Variants in CREB5 observed in about 807,000 individuals in gnomAD.
CREB5 encodes cyclic AMP-responsive element-binding protein 5.
A neutral mutation model predicts 57.1 loss-of-function variants in CREB5; 19 were observed. The ratio of observed to expected loss-of-function variants is 0.33; its 90% CI spans 0.23 to 0.49. CREB5 has a LOEUF of 0.49. CREB5 is among the 20% of genes least tolerant of loss of function. The pLI, the probability that CREB5 is intolerant of heterozygous loss-of-function variation, is 0.99. For synonymous variants in CREB5, 238 were observed against 238.3 expected, an observed-to-expected ratio of 1.00 and a Z score of 0.01; for missense variants, 579 against 671.6, an observed-to-expected ratio of 0.86 and a Z score of 1.52.
chr7:28,327,175 C>T (rs6961801), intron 1 of CREB5, among the ~76,000 whole-genome samples: 87,559 of 147,366 alleles, frequency 0.59, 26,935 homozygotes, highest in African/African-American at 0.75. Flanking sequence ...AAAAGGAAAC[C>T]GTATTTAGTA....
chr7:28,657,377 G>A (rs150375348), intron 5 of CREB5, among the ~76,000 whole-genome samples: 23 of 152,206 alleles, frequency 1.5e-4, no homozygotes, highest in African/African-American at 4.1e-4. Flanking sequence ...AGTTCCCCTT[G>A]CTGTTGCAAT....
chr7:28,673,597 GT>G (rs1468778855), intron 5 of CREB5, among the ~76,000 whole-genome samples: 1 of 142,456 alleles, frequency 7.0e-6, no homozygotes, highest in East Asian at 2.2e-4. Context: ...TTTTTGCCAA[GT>G]TTCAAAAGTG....
chr7:28,739,540 G>A (rs1804219331), intron 7 of CREB5, among the ~76,000 whole-genome samples: 1 of 152,194 alleles, frequency 6.6e-6, no homozygotes, highest in African/African-American at 2.4e-5. Context: ...CTAACAAGCT[G>A]CGGGTTTTGC....
intron 4 of CREB5, among the ~76,000 whole-genome samples, chr7:28,530,983 G>T (rs1793703164): frequency 1.3e-5 from 2 of 152,124 alleles, no homozygotes; most frequent in South Asian, 4.2e-4. Flanking sequence ...AGGAAACCTT[G>T]ACTGTCTATT....
chr7:28,523,390 G>C (rs1027968951), intron 4 of CREB5, among the ~76,000 whole-genome samples: 3 of 152,188 alleles, frequency 2.0e-5, no homozygotes, highest in Non-Finnish European at 2.9e-5. Flanking sequence ...CGTTTATTGA[G>C]GTCTTAATGT....
Position 28,494,937 on chromosome 7 carries a change from A to C in CREB5, c.107A>C (p.His36Pro), listed in dbSNP as rs569232806. The C allele has an allele frequency of 6.2e-6, 10 of 1,608,568 alleles. No homozygotes were observed. The highest frequency in any genetic ancestry group is 8.5e-6 in the Non-Finnish European group (10 of 1,178,966). ...CCAACAGAGGACCATCTGATGATTC[A>C]TAGGCACAAACATGAAATGACTTTG... is the stretch of plus-strand genomic sequence containing the variant. ...RFPTEDHLMIHRHKHEMTLKF... is the reference protein window; with the variant it reads ...RFPTEDHLMIPRHKHEMTLKF... Residue 36 changes from histidine (H) to proline (P), a missense_variant, in exon 3 of 11, where the codon CAT (histidine) becomes CCT (proline). Physicochemically the swap from His to Pro is moderately conservative, Grantham distance 77. Coordinates refer to ENST00000357727, the MANE Select transcript of CREB5 (RefSeq NM_182898.4).
At chr7:28,669,264 C>T (rs772831604) in intron 5 of CREB5, among the ~76,000 whole-genome samples, 5 of 152,162 alleles carry the variant, frequency 3.3e-5, no homozygotes, top group Middle Eastern at 3.2e-3. Context: ...TAAATAGTGG[C>T]AGATGATGCT....
At chr7:28,423,500 C>G (rs1788363259) in intron 1 of CREB5, among the ~76,000 whole-genome samples, 1 of 152,022 alleles carries the variant, frequency 6.6e-6, no homozygotes, top group Non-Finnish European at 1.5e-5. Context: ...TATGATGGTG[C>G]CAGATTCAAA....
At chr7:28,513,235 AG>A (rs929874238) in intron 4 of CREB5, among the ~76,000 whole-genome samples, 2 of 152,230 alleles carry the variant, frequency 1.3e-5, no homozygotes, top group African/African-American at 4.8e-5. Context: ...GGAAAATAAA[AG>A]ATGCCAAGTT....
intron 5 of CREB5, among the ~76,000 whole-genome samples, chr7:28,697,251 A>T (rs765585319): frequency 2.0e-5 from 3 of 152,212 alleles, no homozygotes; most frequent in Admixed American, 6.5e-5. Flanking sequence ...TGCAGTCAGC[A>T]TTGGAAACAC....
chr7:28,719,773 T>C (rs1255142340), intron 6 of CREB5, among the ~76,000 whole-genome samples: 2 of 152,044 alleles, frequency 1.3e-5, no homozygotes, highest in Non-Finnish European at 2.9e-5. Flanking sequence ...ATAAAAATAA[T>C]AGATAAGGCC....
At chr7:28,436,117 G>A (rs1029034735) in intron 1 of CREB5, among the ~76,000 whole-genome samples, 2 of 7,326 alleles carry the variant, frequency 2.7e-4, no homozygotes, top group African/African-American at 2.7e-3. Flanking sequence ...GTCACAAAGT[G>A]AATTTTTTTT....
intron 5 of CREB5, among the ~76,000 whole-genome samples, chr7:28,577,975 T>C (rs113636842): frequency 1.3e-5 from 2 of 152,210 alleles, no homozygotes; most frequent in African/African-American, 4.8e-5. Context: ...ATAGTAAACA[T>C]GTAAAACAAG....
At chr7:28,815,291 A>T (rs1809366133) in intron 9 of CREB5, among the ~76,000 whole-genome samples, 1 of 152,210 alleles carries the variant, frequency 6.6e-6, no homozygotes, top group Non-Finnish European at 1.5e-5. Flanking sequence ...TAAAAAAGAA[A>T]AAAAGAATAT....
At chr7:28,650,700 A>G (rs1039566391) in intron 5 of CREB5, among the ~76,000 whole-genome samples, 1 of 152,188 alleles carries the variant, frequency 6.6e-6, no homozygotes, top group Non-Finnish European at 1.5e-5. Flanking sequence ...TCTGAACTAC[A>G]TATTTCTTAA....
At chr7:28,370,549 G>A (rs1786685571) in intron 1 of CREB5, among the ~76,000 whole-genome samples, 1 of 152,162 alleles carries the variant, frequency 6.6e-6, no homozygotes, top group African/African-American at 2.4e-5. Flanking sequence ...GGAAAATTGT[G>A]TTTGAGTTAT....
intron 8 of CREB5, among the ~76,000 whole-genome samples, chr7:28,805,825 T>C (rs1808695604): frequency 6.6e-6 from 1 of 152,174 alleles, no homozygotes; most frequent in Admixed American, 6.5e-5. Context: ...AATAGTAGAC[T>C]AAACTCCTAG....
intron 1 of CREB5, among the ~76,000 whole-genome samples, chr7:28,351,913 A>T (rs962000800): frequency 5.3e-5 from 8 of 152,216 alleles, no homozygotes; most frequent in African/African-American, 1.9e-4. Context: ...AACATCCCCC[A>T]AATAAATCAA....
At chr7:28,427,036 C>T (rs1788536095) in intron 1 of CREB5, among the ~76,000 whole-genome samples, 1 of 152,090 alleles carries the variant, frequency 6.6e-6, no homozygotes, top group Non-Finnish European at 1.5e-5. Flanking sequence ...GGATGAAGTC[C>T]CCTTCTCTCA....
Sources: gnomAD v4.1 joint callset for allele counts (sites outside exome capture counted in the v4.1 genomes callset) on GRCh38, gnomAD v4.1.1 for gene constraint, MANE v1.5 for transcripts, NCBI Gene and HGNC (gene_info 2026-07-23, HGNC 2026-07-21) for gene names.